The following ARB2A variants were observed in gnomAD, a reference collection of about 807,000 sequenced individuals.
ARB2A encodes the protein ARB2 cotranscriptional regulator A.
At chr5:93,719,896 C>T in the ARB2A span, among the ~76,000 whole-genome samples, 2 of 152,120 alleles carry the variant, frequency 1.3e-5, no homozygotes, top group Non-Finnish European at 2.9e-5. Context: ...AGCTTCTTTT[C>T]TCATTTTCCT....
At chr5:93,926,737 T>C in the ARB2A span, among the ~76,000 whole-genome samples, 1 of 151,820 alleles carries the variant, frequency 6.6e-6, no homozygotes, top group African/African-American at 2.4e-5. Context: ...AGGACGTTAA[T>C]ACCATGTGAT....
At chr5:93,700,457 G>A in the ARB2A span, among the ~76,000 whole-genome samples, 10 of 151,828 alleles carry the variant, frequency 6.6e-5, no homozygotes, top group Non-Finnish European at 1.5e-4. Context: ...TAGGGTAATG[G>A]TAGTTATAAT....
the ARB2A span, among the ~76,000 whole-genome samples, chr5:93,909,238 C>T: frequency 2.0e-5 from 3 of 150,826 alleles, no homozygotes; most frequent in East Asian, 1.9e-4. Flanking sequence ...TCCTAATGTG[C>T]CACTTCAGTG....
At chr5:93,683,237 T>A in the ARB2A span, 1 of 1,442,980 alleles carries the variant, frequency 6.9e-7, no homozygotes, top group South Asian at 1.1e-5. Context: ...ATCATCTTCA[T>A]CAGCAGCAAG....
the ARB2A span, among the ~76,000 whole-genome samples, chr5:93,822,538 C>T: frequency 2.0e-5 from 3 of 152,042 alleles, no homozygotes; most frequent in African/African-American, 7.2e-5. Context: ...TTTTAAGTCA[C>T]TCTACAAGTC....
chr5:94,103,795 CAA>C, the ARB2A span, among the ~76,000 whole-genome samples: 5,494 of 113,372 alleles, frequency 0.048, 293 homozygotes, highest in African/African-American at 0.16. Flanking sequence ...TCAACAGATT[CAA>C]AAAAAAAAAA....
chr5:93,917,829 G>A, the ARB2A span, among the ~76,000 whole-genome samples: 6 of 152,164 alleles, frequency 3.9e-5, no homozygotes, highest in Non-Finnish European at 8.8e-5. Context: ...AGTGGGCTGT[G>A]ATTGCACCAC....
the ARB2A span, among the ~76,000 whole-genome samples, chr5:93,654,135 A>C: frequency 6.6e-6 from 1 of 152,230 alleles, no homozygotes; most frequent in African/African-American, 2.4e-5. Flanking sequence ...GAAAATCAGA[A>C]AACAGAAAAA....
the ARB2A span, among the ~76,000 whole-genome samples, chr5:93,951,703 C>T: frequency 6.6e-6 from 1 of 152,122 alleles, no homozygotes; most frequent in Non-Finnish European, 1.5e-5. Context: ...TATGCCATCA[C>T]CATGCTATTT....
chr5:93,991,563 A>G, the ARB2A span, among the ~76,000 whole-genome samples: 2 of 152,066 alleles, frequency 1.3e-5, no homozygotes, highest in African/African-American at 4.8e-5. Context: ...TAAAAGCATA[A>G]TGAGAAAAGA....
chr5:94,056,498 AT>A, the ARB2A span, among the ~76,000 whole-genome samples: 1 of 152,230 alleles, frequency 6.6e-6, no homozygotes, highest in East Asian at 1.9e-4. Context: ...ATAATGAAAG[AT>A]TTCCATTGAA....
the ARB2A span, among the ~76,000 whole-genome samples, chr5:94,055,339 T>C: frequency 6.6e-6 from 1 of 152,168 alleles, no homozygotes; most frequent in East Asian, 1.9e-4. Context: ...AATAACACTT[T>C]ATTTCCGTCT....
chr5:93,690,843 G>A, the ARB2A span, among the ~76,000 whole-genome samples: 1 of 152,134 alleles, frequency 6.6e-6, no homozygotes, highest in Non-Finnish European at 1.5e-5. Context: ...CCAGAGGAAG[G>A]AACAGACAGC....
chr5:93,872,722 C>T, the ARB2A span, among the ~76,000 whole-genome samples: 1 of 151,712 alleles, frequency 6.6e-6, no homozygotes, highest in African/African-American at 2.4e-5. Context: ...TCGAGACCAT[C>T]CTGGCTAACA....
chr5:94,002,898 G>A, the ARB2A span, among the ~76,000 whole-genome samples: 1 of 151,974 alleles, frequency 6.6e-6, no homozygotes. Context: ...AGAAGATAAG[G>A]CATCCCCAAT....
chr5:93,689,107 T>C, the ARB2A span, among the ~76,000 whole-genome samples: 1 of 152,194 alleles, frequency 6.6e-6, no homozygotes, highest in Non-Finnish European at 1.5e-5. Flanking sequence ...CTTTTTATTG[T>C]CCTACCCTCA....
chr5:94,089,017 T>C, the ARB2A span, among the ~76,000 whole-genome samples: 5 of 152,178 alleles, frequency 3.3e-5, no homozygotes, highest in Admixed American at 6.5e-5. Context: ...GAAAAAATAA[T>C]GATTTTCCTT....
At chr5:93,661,678 A>G in the ARB2A span, among the ~76,000 whole-genome samples, 1 of 151,622 alleles carries the variant, frequency 6.6e-6, no homozygotes, top group Admixed American at 6.6e-5. Context: ...ATCACAAAAA[A>G]CTCTCATAAT....
At chr5:93,764,651 T>C in the ARB2A span, among the ~76,000 whole-genome samples, 183 of 152,312 alleles carry the variant, frequency 1.2e-3, no homozygotes, top group African/African-American at 4.2e-3. Flanking sequence ...TCTGAAACTA[T>C]TCCTATCAAT....
Sources: allele counts gnomAD v4.1 joint callset (sites outside exome capture counted in the v4.1 genomes callset), GRCh38; gene constraint gnomAD v4.1.1; transcripts MANE v1.5; gene names NCBI Gene and HGNC (gene_info 2026-07-23, HGNC 2026-07-21).